DYNC1I1: variants seen among roughly 807,000 people sequenced by gnomAD.
The protein encoded by DYNC1I1 is dynein cytoplasmic 1 intermediate chain 1.
In DYNC1I1, 43 loss-of-function variants were observed where a neutral mutation model predicts 86.6. The observed-to-expected ratio is 0.50, with a 90% CI of 0.39 to 0.64. The LOEUF (loss-of-function observed/expected upper bound fraction) is 0.64, where lower values mean the gene tolerates loss of function less well. Among genes scored for constraint, DYNC1I1 ranks in the 30% least tolerant of loss-of-function variants. DYNC1I1 has a pLI of 0.00. For missense variants in DYNC1I1, 604 were observed against 788.8 expected (o/e 0.77, Z 2.81); for synonymous variants, 262 against 283.7 (o/e 0.92, Z 0.77).
chr7:95,970,905 G>A (rs544964383), intron 6 of DYNC1I1, among the ~76,000 whole-genome samples: 23 of 143,862 alleles, frequency 1.6e-4, no homozygotes, highest in African/African-American at 5.8e-4. Flanking sequence ...AGTTAAAGCT[G>A]CTGGAGTTGC....
chr7:95,934,250 C>G (rs2116420070), intron 6 of DYNC1I1, among the ~76,000 whole-genome samples: 1 of 152,226 alleles, frequency 6.6e-6, no homozygotes, highest in African/African-American at 2.4e-5. Context: ...TTACTGAGTA[C>G]TTCTGGAGTT....
At chr7:95,934,435 T>C (rs888182250) in intron 6 of DYNC1I1, among the ~76,000 whole-genome samples, 6 of 152,214 alleles carry the variant, frequency 3.9e-5, no homozygotes, top group Non-Finnish European at 7.3e-5. Flanking sequence ...AGGCTTCCAT[T>C]ATGTAAACCT....
intron 16 of DYNC1I1, among the ~76,000 whole-genome samples, chr7:96,089,945 T>G (rs42064): frequency 9.1e-4 from 138 of 152,062 alleles, no homozygotes; most frequent in African/African-American, 3.2e-3. Flanking sequence ...AATATGACAG[T>G]TGAGCTTGTG....
chr7:95,978,167 T>A (rs1793356565), intron 7 of DYNC1I1, among the ~76,000 whole-genome samples: 1 of 152,174 alleles, frequency 6.6e-6, no homozygotes, highest in African/African-American at 2.4e-5. Flanking sequence ...TATTACTCAC[T>A]CCTTACAACA....
intron 4 of DYNC1I1, among the ~76,000 whole-genome samples, chr7:95,822,285 A>C (rs753130407): frequency 6.6e-6 from 1 of 152,220 alleles, no homozygotes; most frequent in Non-Finnish European, 1.5e-5. Flanking sequence ...CAAGGTTTAA[A>C]ATATGAAATG....
At chr7:95,928,005 G>A (rs758350721) in intron 6 of DYNC1I1, among the ~76,000 whole-genome samples, 16 of 152,190 alleles carry the variant, frequency 1.1e-4, no homozygotes, top group Non-Finnish European at 1.6e-4. Context: ...GTGGTGTGGC[G>A]TGGAAGCCTG....
chr7:95,796,951 G>A (rs1020104986), intron 1 of DYNC1I1, among the ~76,000 whole-genome samples: 4 of 152,030 alleles, frequency 2.6e-5, no homozygotes, highest in African/African-American at 4.8e-5. Flanking sequence ...GTATTCTAAC[G>A]TGATTTGAGG....
chr7:95,937,085 G>A lies in DYNC1I1; in HGVS notation c.491-40427G>A, dbSNP rs557339464. On this transcript the variant is annotated intron_variant, in intron 6 of 16. Coordinates refer to ENST00000447467, the MANE Select transcript of DYNC1I1 (RefSeq NM_001135556.2). ...AGTGGAATTAGACACAGAAAGAAAA[G>A]TACTACCTTATCTCACTTATATGTG... Among the ~76,000 whole-genome samples the A allele has an allele frequency of 3.3e-5, 5 of 151,602 alleles. No homozygotes were observed. The South Asian group carries it at 6.2e-4, about 19-fold the overall frequency.
At chr7:95,799,103 G>A (rs981108655) in intron 1 of DYNC1I1, among the ~76,000 whole-genome samples, 1 of 152,102 alleles carries the variant, frequency 6.6e-6, no homozygotes, top group South Asian at 2.1e-4. Flanking sequence ...AAACTGAGGG[G>A]CCGGGTGTGG....
chr7:96,091,000 G>A (rs1474890997), intron 16 of DYNC1I1, among the ~76,000 whole-genome samples: 1 of 152,118 alleles, frequency 6.6e-6, no homozygotes, highest in Non-Finnish European at 1.5e-5. Context: ...TCGTTCAGTG[G>A]CTGTTTCATT....
At chr7:95,877,557 A>AGTTT (rs1439694931) in intron 6 of DYNC1I1, among the ~76,000 whole-genome samples, 3 of 152,232 alleles carry the variant, frequency 2.0e-5, no homozygotes, top group Non-Finnish European at 4.4e-5. Flanking sequence ...TCTTCTCAAA[A>AGTTT]GAGCTAACAT....
chr7:96,033,422 C>A (rs1314467995), intron 12 of DYNC1I1, among the ~76,000 whole-genome samples: 1 of 152,152 alleles, frequency 6.6e-6, no homozygotes, highest in Non-Finnish European at 1.5e-5. Flanking sequence ...ATGCAACTTG[C>A]AAGATATGCA....
intron 14 of DYNC1I1, among the ~76,000 whole-genome samples, chr7:96,061,425 A>C (rs1196187246): frequency 6.6e-6 from 1 of 152,094 alleles, no homozygotes; most frequent in Non-Finnish European, 1.5e-5. Context: ...ACCCATCCAA[A>C]GCGTAAGAGA....
chr7:95,795,450 A>C (rs948333121), intron 1 of DYNC1I1, among the ~76,000 whole-genome samples: 1 of 152,214 alleles, frequency 6.6e-6, no homozygotes, highest in Admixed American at 6.5e-5. Context: ...GCAGTCTATT[A>C]ATGCTATTCA....
At chr7:95,966,745 T>A (rs1228587806) in intron 6 of DYNC1I1, among the ~76,000 whole-genome samples, 1 of 152,190 alleles carries the variant, frequency 6.6e-6, no homozygotes, top group Non-Finnish European at 1.5e-5. Flanking sequence ...ATTCAATAAA[T>A]CAATAGCTAC....
chr7:96,066,356 A>G lies in DYNC1I1; in HGVS notation c.1510-9701A>G, dbSNP rs189508082. Reference sequence around the variant, plus strand: ...CACCAACACACCACTACCACCCCCAATCTTCAAATTCCTCTGGCACCTAAC... The same window carrying G: ...CACCAACACACCACTACCACCCCCAGTCTTCAAATTCCTCTGGCACCTAAC... On this transcript the variant is annotated intron_variant, in intron 14 of 16. Transcript: ENST00000447467. 1.5e-4 allele frequency among the ~76,000 whole-genome samples: 23 copies of G among 152,246 alleles called. No homozygotes were observed. In the East Asian group the frequency reaches 2.7e-3, roughly 18 times the overall value.
chr7:95,967,730 G>T (rs142912899), intron 6 of DYNC1I1, among the ~76,000 whole-genome samples: 2 of 152,280 alleles, frequency 1.3e-5, no homozygotes, highest in African/African-American at 4.8e-5. Flanking sequence ...GTTCACTGCT[G>T]CATCTCCAAT....
downstream of DYNC1I1, among the ~76,000 whole-genome samples, chr7:96,099,135 C>A (rs948959259): frequency 1.3e-5 from 2 of 151,988 alleles, no homozygotes; most frequent in African/African-American, 4.8e-5. Context: ...AGTAAAGTAC[C>A]TAAGAATAAA....
At chr7:95,962,495 C>T (rs1181281458) in intron 6 of DYNC1I1, among the ~76,000 whole-genome samples, 1 of 152,144 alleles carries the variant, frequency 6.6e-6, no homozygotes, top group African/African-American at 2.4e-5. Context: ...TTTCTTCCTA[C>T]CTTGCACATT....
Sources: allele counts gnomAD v4.1 joint callset (sites outside exome capture counted in the v4.1 genomes callset), GRCh38; gene constraint gnomAD v4.1.1; transcripts MANE v1.5; gene names NCBI Gene and HGNC (gene_info 2026-07-23, HGNC 2026-07-21).